FFAR4: variants seen among roughly 807,000 people sequenced by gnomAD.
FFAR4 encodes free fatty acid receptor 4.
A neutral mutation model predicts 27.0 loss-of-function variants in FFAR4; 19 were observed. The ratio of observed to expected loss-of-function variants is 0.70; its 90% CI spans 0.49 to 1.03. FFAR4 has a LOEUF of 1.03. FFAR4 is among the 50% of genes least tolerant of loss of function. FFAR4 has a pLI of 0.00. For synonymous variants in FFAR4, 254 were observed against 215.6 expected (o/e 1.18, Z -1.56); for missense variants, 476 against 479.0 (o/e 0.99, Z 0.06).
chr10:93,576,506 C>T (rs1156903006), intron 2 of FFAR4, among the ~76,000 whole-genome samples: 1 of 152,214 alleles, frequency 6.6e-6, no homozygotes, highest in East Asian at 1.9e-4. Context: ...AAAACTTACT[C>T]TACCTTCTTA....
Position 93,566,790 on chromosome 10 carries a change from C to A in FFAR4, c.70C>A (p.Arg24Ser). Residue 24 changes from arginine (R) to serine (S), a missense_variant, in exon 1 of 3, where the codon CGC (arginine) becomes AGC (serine). Coordinates refer to ENST00000371481, the MANE Select transcript of FFAR4 (RefSeq NM_001195755.2). ...CAGCCTGGAGCAAGCCAACCGCACC[C>A]GCTTTCCCTTCTTCTCCGACGTCAA... ...LRSLEQANRT[R>S]FPFFSDVKGD... 1 of 1,608,914 alleles carries A rather than the reference C, an allele frequency of 6.2e-7. No individual in the cohort carries two copies. The highest frequency in any genetic ancestry group is 8.5e-7 in the Non-Finnish European group (1 of 1,179,150).
At position 93,579,143 on chromosome 10, in the gene FFAR4, C is replaced by T. The variant is rs148872313; in HGVS notation, c.696+2924C>T. 1.4e-4 allele frequency: 226 copies of T among 1,613,768 alleles called. No individual in the cohort carries two copies. The African/African-American group carries it at 2.6e-3, about 19-fold the overall frequency. On this transcript the variant is annotated intron_variant, in intron 2 of 2. Coordinates refer to ENST00000371481, the MANE Select transcript of FFAR4 (RefSeq NM_001195755.2). ...TGTCTAAACCCACAGCCGGCCTTCA[C>T]TTCTCCCCATTACAGACCTCGGAAC...
intron 2 of FFAR4, chr10:93,579,164 G>C (rs371466980): frequency 6.2e-7 from 1 of 1,614,020 alleles, no homozygotes; most frequent in Non-Finnish European, 8.5e-7. Context: ...TACAGACCTC[G>C]GAACACCTCC....
rs2058244768 is a variant in FFAR4, at chr10:93,588,615, T to A, written c.*1006T>A. On this transcript the variant is annotated 3_prime_UTR_variant, in exon 3 of 3. Coordinates refer to ENST00000371481, the MANE Select transcript of FFAR4 (RefSeq NM_001195755.2). ...GTGGTGAACCAGACAGCCATGGCCC[T>A]CTCTCAGGGAACTTACCTTCGAGTC... 2 of 152,154 alleles carry A rather than the reference T, an allele frequency of 1.3e-5. No individual in the cohort carries two copies. The highest frequency in any genetic ancestry group is 2.9e-5 in the Non-Finnish European group (2 of 68,034). 9.4% of individuals were successfully genotyped at this position (152,154 alleles called of 1,614,324 possible). A position where few individuals can be genotyped will look rare whatever the true frequency, so the allele number is the denominator to read the frequency against.
At chr10:93,570,246 GA>G (rs1554885033) in intron 1 of FFAR4, among the ~76,000 whole-genome samples, 1 of 149,792 alleles carries the variant, frequency 6.7e-6, no homozygotes, top group Non-Finnish European at 1.5e-5. Context: ...CCAACAAACA[GA>G]AAAAACCCAA....
At chr10:93,568,040 C>T (rs1001703907) in intron 1 of FFAR4, among the ~76,000 whole-genome samples, 1 of 152,152 alleles carries the variant, frequency 6.6e-6, no homozygotes, top group African/African-American at 2.4e-5. Context: ...TCATTATTAG[C>T]TCATAGGGGT....
At chr10:93,572,058 T>A (rs2058134793) in intron 1 of FFAR4, among the ~76,000 whole-genome samples, 1 of 152,212 alleles carries the variant, frequency 6.6e-6, no homozygotes, top group African/African-American at 2.4e-5. Flanking sequence ...AAAAGTCATT[T>A]GGCAATTTTG....
intron 2 of FFAR4, among the ~76,000 whole-genome samples, chr10:93,585,558 G>A (rs943899745): frequency 1.3e-5 from 2 of 152,204 alleles, no homozygotes; most frequent in Admixed American, 6.5e-5. Context: ...TGCCCAAGGC[G>A]TAGGATGTGG....
At chr10:93,582,464 A>C (rs1341802219) in intron 2 of FFAR4, among the ~76,000 whole-genome samples, 1 of 151,516 alleles carries the variant, frequency 6.6e-6, no homozygotes, top group Non-Finnish European at 1.5e-5. Context: ...GAATTGCTTA[A>C]ACCTGGGAGG....
At position 93,576,190 on chromosome 10, in the gene FFAR4, A is replaced by T; in HGVS notation, c.667A>T (p.Ile223Phe). The change falls in exon 2 of 3, where the codon ATT becomes TTT. Residue 223 changes from isoleucine (I) to phenylalanine (F), a missense_variant. Coordinates refer to ENST00000371481, the MANE Select transcript of FFAR4 (RefSeq NM_001195755.2). The stretch of plus-strand genomic sequence containing the variant: ...GAACTTCTTGGTGCCAGGACTGGTC[A>T]TTGTGATCAGTTACTCCAAAATTTT... ...TLNFLVPGLVIVISYSKILQI... is the reference protein window; with the variant it reads ...TLNFLVPGLVFVISYSKILQI... 1 of 1,614,126 alleles carries T rather than the reference A, an allele frequency of 6.2e-7. No individual in the cohort carries two copies. Among genetic ancestry groups the T allele is most frequent in the Non-Finnish European group, 8.5e-7 (1 of 1,179,982 alleles).
In FFAR4 at chr10:93,567,135, T is replaced by C; in HGVS notation, c.415T>C (p.Cys139Arg). 1.9e-6 allele frequency: 3 copies of C among 1,607,468 alleles called. No individual in the cohort carries two copies. The highest frequency in any genetic ancestry group is 2.5e-6 in the Non-Finnish European group (3 of 1,178,576). ...LAAVSLERMV[C>R]IVHLQRGVRG... ...CGCGGTCAGCCTGGAGCGCATGGTG[T>C]GCATCGTGCACCTGCAGCGCGGCGT... Residue 139 changes from cysteine (C) to arginine (R), a missense_variant, in exon 1 of 3, where the codon TGC becomes CGC. Coordinates refer to ENST00000371481, the MANE Select transcript of FFAR4 (RefSeq NM_001195755.2).
In FFAR4 at chr10:93,587,498, G is replaced by A; in HGVS notation, c.975G>A (p.Leu325=). ...ALNPILYNMT[L]CRNEWKKIFC... ...ACCCCATCCTCTACAACATGACACTGTGCAGGAATGAGTGGAAGAAAATTT... is the reference window on the plus strand; with the variant it reads ...ACCCCATCCTCTACAACATGACACTATGCAGGAATGAGTGGAAGAAAATTT... Residue 325 remains leucine, a synonymous_variant, in exon 3 of 3, where the codon CTG becomes CTA. Transcript: ENST00000371481. The A allele has an allele frequency of 1.2e-6, 2 of 1,613,936 alleles. No individual in the cohort carries two copies. Among genetic ancestry groups the A allele is most frequent in the Non-Finnish European group, 1.7e-6 (2 of 1,179,966 alleles).
rs560522094 is a variant in FFAR4, at chr10:93,573,774, G to A, written c.568-2317G>A. Among the ~76,000 whole-genome samples, 7 of 152,266 alleles carry A rather than the reference G, an allele frequency of 4.6e-5. 1 individual carries two copies. The highest frequency in any genetic ancestry group is 1.7e-4 in the African/African-American group (7 of 41,576). On this transcript the variant is annotated intron_variant, in intron 1 of 2. Transcript: ENST00000371481. ...GAGCCACAAATCAAAAGGAGAACGA[G>A]CGTCTTTATTAAAGTCACGGAATTT...
At chr10:93,581,648 C>T (rs1284458364) in intron 2 of FFAR4, among the ~76,000 whole-genome samples, 1 of 152,166 alleles carries the variant, frequency 6.6e-6, no homozygotes, top group Non-Finnish European at 1.5e-5. Context: ...CTGAGGGGAA[C>T]TCCAGACTGA....
intron 2 of FFAR4, among the ~76,000 whole-genome samples, chr10:93,576,627 A>C (rs2058165629): frequency 6.6e-6 from 1 of 152,232 alleles, no homozygotes. Context: ...TAAAATGGTC[A>C]AATGGTTATC....
At chr10:93,578,293 T>C (rs920345249) in intron 2 of FFAR4, among the ~76,000 whole-genome samples, 3 of 151,628 alleles carry the variant, frequency 2.0e-5, no homozygotes, top group African/African-American at 7.3e-5. Flanking sequence ...GGTGGGCGTC[T>C]GTAATCCCAG....
rs1048993330 is a variant in FFAR4, at chr10:93,589,270, T to A, written c.*1661T>A. On this transcript the variant is annotated 3_prime_UTR_variant, in exon 3 of 3. Transcript: ENST00000371481. ...GGAGGTTGGCAACTGGAGGCTGACG[T>A]GACCTGATGAATGTGTGCAAAGATT... The A allele has an allele frequency of 6.6e-6, 1 of 152,336 alleles. No homozygotes were observed. Among genetic ancestry groups the A allele is most frequent in the African/African-American group, 2.4e-5 (1 of 41,416 alleles). The allele number at this position is 152,336 out of a possible 1,614,324, so 9.4% of individuals were successfully genotyped here.
At chr10:93,568,704 G>C (rs1219883705) in intron 1 of FFAR4, among the ~76,000 whole-genome samples, 1 of 152,154 alleles carries the variant, frequency 6.6e-6, no homozygotes, top group Non-Finnish European at 1.5e-5. Flanking sequence ...TTTATTGGGG[G>C]TAGGATGGAT....
In FFAR4 at chr10:93,587,930, TA is replaced by T. The variant is rs916062233; in HGVS notation, c.*332del. On this transcript the variant is annotated 3_prime_UTR_variant, in exon 3 of 3. Coordinates refer to ENST00000371481, the MANE Select transcript of FFAR4 (RefSeq NM_001195755.2). ...GTGAGACCCCCGTCTCTACTAAAAA[TA>T]AAAAAAAAAATTAGCTGGGAGTGGT... 1,929 of 167,136 alleles carry T rather than the reference TA, an allele frequency of 0.012. 11 individuals carry two copies. The highest frequency in any genetic ancestry group is 0.021 in the African/African-American group (854 of 40,348). 10.4% of individuals were successfully genotyped at this position (167,136 alleles called of 1,614,324 possible). A position where few individuals can be genotyped will look rare whatever the true frequency, so the allele number is the denominator to read the frequency against.
Sources: allele counts gnomAD v4.1 joint callset (sites outside exome capture counted in the v4.1 genomes callset), GRCh38; gene constraint gnomAD v4.1.1; transcripts MANE v1.5; gene names NCBI Gene and HGNC (gene_info 2026-07-23, HGNC 2026-07-21).